The following MEF2A variants were observed in gnomAD, a reference collection of about 807,000 sequenced individuals.
The protein encoded by MEF2A is myocyte enhancer factor 2A, also known as myocyte-specific enhancer factor 2A.
In MEF2A, 28 loss-of-function variants were observed where a neutral mutation model predicts 55.8. The ratio of observed to expected loss-of-function variants is 0.50; its 90% CI spans 0.37 to 0.69. MEF2A has a LOEUF of 0.69. Among genes scored for constraint, MEF2A ranks in the 30% least tolerant of loss-of-function variants. The pLI is 0.00. For synonymous variants in MEF2A, 239 were observed against 227.1 expected (o/e 1.05, Z -0.47); for missense variants, 528 against 626.2 (o/e 0.84, Z 1.67).
intron 4 of MEF2A, among the ~76,000 whole-genome samples, chr15:99,646,660 G>C (rs1202459261): frequency 6.6e-6 from 1 of 151,978 alleles, no homozygotes; most frequent in African/African-American, 2.4e-5. Context: ...AATCTAGATG[G>C]TATTTCTAAT....
intron 4 of MEF2A, among the ~76,000 whole-genome samples, chr15:99,649,507 C>T (rs1407496256): frequency 6.6e-6 from 1 of 152,070 alleles, no homozygotes; most frequent in African/African-American, 2.4e-5. Flanking sequence ...AGTTATTAAG[C>T]ATTGATACAA....
intron 1 of MEF2A, among the ~76,000 whole-genome samples, chr15:99,571,810 T>C (rs564715127): frequency 7.2e-4 from 109 of 152,268 alleles, no homozygotes; most frequent in African/African-American, 2.5e-3. Context: ...AGCCAAAAAC[T>C]TAAGATATTA....
chr15:99,700,855 A>G (rs1042304112), intron 8 of MEF2A, among the ~76,000 whole-genome samples: 2 of 152,224 alleles, frequency 1.3e-5, no homozygotes, highest in African/African-American at 4.8e-5. Flanking sequence ...GTATTGGATT[A>G]TAGCCCAGGG....
At chr15:99,709,962 C>T (rs2058443924) in intron 10 of MEF2A, among the ~76,000 whole-genome samples, 2 of 152,228 alleles carry the variant, frequency 1.3e-5, no homozygotes, top group African/African-American at 4.8e-5. Context: ...TTCCTGTCCC[C>T]TATTCCCTGT....
chr15:99,643,592 AT>A (rs551157873), intron 3 of MEF2A, among the ~76,000 whole-genome samples: 374 of 139,580 alleles, frequency 2.7e-3, no homozygotes, highest in East Asian at 6.2e-3. Context: ...TATATTGAGA[AT>A]TTTTTTTTTT....
intron 1 of MEF2A, among the ~76,000 whole-genome samples, chr15:99,570,182 A>T (rs1596175056): frequency 6.6e-6 from 1 of 152,200 alleles, no homozygotes; most frequent in African/African-American, 2.4e-5. Context: ...GTATGAAGGC[A>T]GGTAATTTAC....
intron 2 of MEF2A, among the ~76,000 whole-genome samples, chr15:99,606,069 G>T (rs1596431256): frequency 6.6e-6 from 1 of 152,128 alleles, no homozygotes. Context: ...AAGCCACAAG[G>T]ATAAACAAAA....
At chr15:99,612,189 G>A (rs1203744611) in intron 2 of MEF2A, among the ~76,000 whole-genome samples, 1 of 152,138 alleles carries the variant, frequency 6.6e-6, no homozygotes, top group Non-Finnish European at 1.5e-5. Flanking sequence ...GCCGAGATGG[G>A]TGGATCATGA....
At chr15:99,630,112 T>G (rs1406504397) in intron 2 of MEF2A, among the ~76,000 whole-genome samples, 2 of 151,980 alleles carry the variant, frequency 1.3e-5, no homozygotes, top group Non-Finnish European at 2.9e-5. Flanking sequence ...TGATAGAGCT[T>G]CTTGAATCTG....
At chr15:99,657,416 A>T (rs1354660887) in intron 4 of MEF2A, 1 of 152,084 alleles carries the variant, frequency 6.6e-6, no homozygotes, top group African/African-American at 2.4e-5. Flanking sequence ...GGGCTAGGTT[A>T]TCTGGATCAA....
intron 9 of MEF2A, among the ~76,000 whole-genome samples, chr15:99,704,978 T>C (rs575494392): frequency 7.9e-5 from 12 of 152,320 alleles, no homozygotes; most frequent in Admixed American, 7.2e-4. Context: ...TAAAAACTTA[T>C]AAACAGCCAT....
intron 2 of MEF2A, among the ~76,000 whole-genome samples, chr15:99,628,392 A>G (rs981603673): frequency 5.3e-5 from 8 of 151,978 alleles, no homozygotes; most frequent in South Asian, 2.1e-4. Flanking sequence ...ATCCACTTCT[A>G]TTATCTTCTT....
Position 99,693,865 on chromosome 15 carries a change from G to A in MEF2A, c.858+3437G>A, listed in dbSNP as rs1302568831. 2.0e-5 allele frequency among the ~76,000 whole-genome samples: 3 copies of A among 152,246 alleles called. No homozygotes were observed. In the East Asian group the frequency reaches 5.8e-4, roughly 29 times the overall value. On this transcript the variant is annotated intron_variant, in intron 8 of 11. Transcript: ENST00000557942. ...CTGGTTTTCCCTGCATTTTATAAAC[G>A]TTTTATTTTTAGAACAATTTTAGAT...
chr15:99,630,714 T>A (rs961104119), intron 2 of MEF2A, among the ~76,000 whole-genome samples: 2 of 152,222 alleles, frequency 1.3e-5, no homozygotes, highest in Non-Finnish European at 2.9e-5. Context: ...TTGGCCCGGA[T>A]TGCCTTAATC....
intron 2 of MEF2A, among the ~76,000 whole-genome samples, chr15:99,620,723 G>A (rs2041009831): frequency 2.6e-5 from 4 of 152,100 alleles, no homozygotes; most frequent in Admixed American, 2.6e-4. Flanking sequence ...TGGGTCAAAT[G>A]GTAGTTCTGT....
intron 7 of MEF2A, among the ~76,000 whole-genome samples, chr15:99,677,427 G>A (rs1043937186): frequency 2.6e-5 from 4 of 151,930 alleles, no homozygotes; most frequent in Admixed American, 6.6e-5. Context: ...AAAAAACCCC[G>A]TAATGTTAAG....
intron 4 of MEF2A, among the ~76,000 whole-genome samples, chr15:99,647,806 A>C (rs931750118): frequency 6.6e-6 from 1 of 152,190 alleles, no homozygotes; most frequent in Non-Finnish European, 1.5e-5. Context: ...TAAATACAGT[A>C]GATAGAAGAC....
rs74033747 is a variant in MEF2A, at chr15:99,580,885, A to C, written c.-225+14781A>C. Among the ~76,000 whole-genome samples the C allele has an allele frequency of 5.1e-3, 771 of 152,174 alleles. 11 individuals carry two copies. Among genetic ancestry groups the C allele is most frequent in the African/African-American group, 0.017 (689 of 41,524 alleles). On this transcript the variant is annotated intron_variant, in intron 1 of 11. Transcript: ENST00000557942. ...CTTTTGGTTTTCTTGGTTTTATTTT[A>C]TGGTTTTGACAGTTGTTCCTTTCTT...
At chr15:99,639,945 A>G (rs2044583519) in intron 3 of MEF2A, among the ~76,000 whole-genome samples, 1 of 152,160 alleles carries the variant, frequency 6.6e-6, no homozygotes, top group African/African-American at 2.4e-5. Context: ...TGTTTCAGAT[A>G]GTATCTTTCA....
Sources: allele counts gnomAD v4.1 joint callset (sites outside exome capture counted in the v4.1 genomes callset), GRCh38; gene constraint gnomAD v4.1.1; transcripts MANE v1.5; gene names NCBI Gene and HGNC (gene_info 2026-07-23, HGNC 2026-07-21).